Variants in ARHGEF3 observed in about 807,000 individuals in gnomAD.
ARHGEF3 encodes Rho guanine nucleotide exchange factor 3, also known as 59.8 kDA protein.
In ARHGEF3, 28 loss-of-function variants were observed where a neutral mutation model predicts 63.2. The observed-to-expected ratio is 0.44, with a 90% confidence interval of 0.33 to 0.61. ARHGEF3 has a LOEUF of 0.61. Ranked by LOEUF, ARHGEF3 falls within the 20% of genes least tolerant of loss-of-function variation. ARHGEF3 has a pLI of 0.03. For missense variants in ARHGEF3, 533 were observed against 659.3 expected (o/e 0.81, Z 2.10); for synonymous variants, 266 against 254.2 (o/e 1.05, Z -0.44).
chr3:56,757,339 TG>T (rs2035136477), intron 2 of ARHGEF3, among the ~76,000 whole-genome samples: 1 of 152,090 alleles, frequency 6.6e-6, no homozygotes. Flanking sequence ...CGGGGCGTGG[TG>T]GCATGTGCCT....
chr3:56,959,621 TGCTGAAAAGCATC>T (rs1290803749), intron 2 of ARHGEF3, among the ~76,000 whole-genome samples: 1 of 152,228 alleles, frequency 6.6e-6, no homozygotes, highest in Non-Finnish European at 1.5e-5. Flanking sequence ...ATTTCATGTT[TGCTGAAAAGCATC>T]TCTGAAAAGC....
At chr3:56,966,860 T>A (rs1700518337) in intron 2 of ARHGEF3, among the ~76,000 whole-genome samples, 1 of 150,462 alleles carries the variant, frequency 6.6e-6, no homozygotes, top group South Asian at 2.1e-4. Context: ...ATTATTATTA[T>A]TATTATTATT....
chr3:56,767,711 C>A (rs1460645505), intron 2 of ARHGEF3, among the ~76,000 whole-genome samples: 1 of 150,962 alleles, frequency 6.6e-6, no homozygotes, highest in African/African-American at 2.4e-5. Context: ...GACTTTTATT[C>A]TCTTTTATGT....
intron 4 of ARHGEF3, among the ~76,000 whole-genome samples, chr3:56,876,657 C>A (rs2040593947): frequency 1.3e-5 from 2 of 151,230 alleles, no homozygotes; most frequent in Non-Finnish European, 2.9e-5. Context: ...CAGGGCTCAT[C>A]TTGATGGTTG....
At chr3:56,738,843 C>G (rs925996919) in intron 7 of ARHGEF3, among the ~76,000 whole-genome samples, 3 of 152,046 alleles carry the variant, frequency 2.0e-5, no homozygotes, top group African/African-American at 7.2e-5. Flanking sequence ...GTGATCCCAG[C>G]ACTTTGGGAA....
intron 2 of ARHGEF3, among the ~76,000 whole-genome samples, chr3:57,009,335 A>C (rs1400596607): frequency 1.1e-4 from 17 of 152,210 alleles, no homozygotes. Flanking sequence ...GCCTGCCTGC[A>C]ATTCTGACAC....
intron 3 of ARHGEF3, among the ~76,000 whole-genome samples, chr3:56,938,301 T>C (rs1699002797): frequency 6.6e-6 from 1 of 152,220 alleles, no homozygotes; most frequent in East Asian, 1.9e-4. Flanking sequence ...CACACTTATA[T>C]AGGGCAGCCC....
chr3:56,931,842 T>A (rs1387350745), intron 3 of ARHGEF3, among the ~76,000 whole-genome samples: 2 of 152,232 alleles, frequency 1.3e-5, no homozygotes, highest in Middle Eastern at 3.4e-3. Flanking sequence ...AATCTTTTGG[T>A]CCAGGATGAT....
chr3:56,955,219 A>G (rs1699994421), intron 3 of ARHGEF3, among the ~76,000 whole-genome samples: 2 of 147,536 alleles, frequency 1.4e-5, no homozygotes, highest in African/African-American at 2.5e-5. Flanking sequence ...TTCTTGAGAC[A>G]AGGTCTCTCT....
chr3:56,891,917 C>T (rs1196996272), intron 3 of ARHGEF3, among the ~76,000 whole-genome samples: 2 of 152,056 alleles, frequency 1.3e-5, no homozygotes, highest in Non-Finnish European at 2.9e-5. Flanking sequence ...CTAGGAAAAG[C>T]CCCTATTATA....
chr3:56,886,144 C>A (rs372028781), intron 3 of ARHGEF3, among the ~76,000 whole-genome samples: 14 of 152,148 alleles, frequency 9.2e-5, no homozygotes, highest in East Asian at 5.8e-4. Flanking sequence ...GCAGGGCAGA[C>A]CCATTTTAGA....
chr3:56,972,112 T>C (rs12637209), intron 2 of ARHGEF3, among the ~76,000 whole-genome samples: 20,488 of 152,036 alleles, frequency 0.13, 1,566 homozygotes, highest in East Asian at 0.25. Flanking sequence ...TCAGCTACGA[T>C]AAACACTTCT....
Position 56,745,253 on chromosome 3 carries a change from C to G in ARHGEF3, c.822G>C (p.Leu274Phe), listed in dbSNP as rs2034303922. ...VKYPLLLREILRHTPNDNPDQ... is the reference protein window; with the variant it reads ...VKYPLLLREIFRHTPNDNPDQ... ...CTGGATTATCATTTGGTGTGTGCCT[C>G]AAGATTTCTCGGAGAAGCAGAGGGT... is the stretch of plus-strand genomic sequence containing the variant. Residue 274 changes from leucine (L) to phenylalanine (F), a missense_variant, in exon 7 of 10, where the codon TTG becomes TTC. This residue lies in a region of ARHGEF3 where 107 missense variants were observed against 207.9 expected (regional missense o/e 0.51). Transcript: ENST00000296315. The G allele has an allele frequency of 1.2e-6, 2 of 1,613,766 alleles. No individual in the cohort carries two copies. The highest frequency in any genetic ancestry group is 1.7e-6 in the Non-Finnish European group (2 of 1,180,014).
Position 56,897,512 on chromosome 3 carries a change from G to A in ARHGEF3, c.130-15158C>T, listed in dbSNP as rs142477115. On this transcript the variant is annotated intron_variant, in intron 3 of 12. Coordinates refer to the ARHGEF3 transcript ENST00000338458. ...AGGGAAAAAACATGCATGTATATATGTATAACCATGAACTCATTCTGATGC... is the reference window on the plus strand; with the variant it reads ...AGGGAAAAAACATGCATGTATATATATATAACCATGAACTCATTCTGATGC... Among the ~76,000 whole-genome samples the A allele has an allele frequency of 4.6e-5, 7 of 151,940 alleles. No homozygotes were observed. The East Asian group carries it at 1.4e-3, about 29-fold the overall frequency.
chr3:56,897,849 G>A (rs1475371484), intron 3 of ARHGEF3, among the ~76,000 whole-genome samples: 6 of 152,012 alleles, frequency 3.9e-5, no homozygotes, highest in Non-Finnish European at 7.4e-5. Context: ...ACAGGCGTGA[G>A]CCACCATGCC....
At chr3:56,943,139 T>C (rs1337429740) in intron 3 of ARHGEF3, among the ~76,000 whole-genome samples, 2 of 150,598 alleles carry the variant, frequency 1.3e-5, no homozygotes, top group African/African-American at 2.4e-5. Flanking sequence ...TCAATGTAGA[T>C]GAAAAAGCCT....
intron 4 of ARHGEF3, among the ~76,000 whole-genome samples, chr3:56,849,072 C>T (rs969304008): frequency 4.6e-5 from 7 of 152,174 alleles, no homozygotes; most frequent in East Asian, 1.9e-4. Context: ...TTTAGTAAAA[C>T]CACTAAAAGA....
At chr3:57,062,864 G>A (rs1164925547) in intron 1 of ARHGEF3, among the ~76,000 whole-genome samples, 1 of 152,154 alleles carries the variant, frequency 6.6e-6, no homozygotes, top group East Asian at 1.9e-4. Flanking sequence ...ACAAATTATT[G>A]TCTGTACCAG....
chr3:56,891,325 C>T (rs1001337456), intron 3 of ARHGEF3, among the ~76,000 whole-genome samples: 7 of 150,784 alleles, frequency 4.6e-5, no homozygotes, highest in African/African-American at 1.7e-4. Context: ...GCCCCTACTC[C>T]ATTTTTAGTA....
Sources: allele counts gnomAD v4.1 joint callset (sites outside exome capture counted in the v4.1 genomes callset), GRCh38; gene constraint gnomAD v4.1.1; regional missense constraint gnomAD v4.1.1; transcripts MANE v1.5; gene names NCBI Gene and HGNC (gene_info 2026-07-23, HGNC 2026-07-21).